Variants in NCOR1 observed in about 807,000 individuals in gnomAD.
NCOR1 encodes the protein nuclear receptor corepressor 1.
A neutral mutation model predicts 288.1 loss-of-function variants in NCOR1; 63 were observed. The ratio of observed to expected loss-of-function variants is 0.22; its 90% CI spans 0.18 to 0.27. The LOEUF (loss-of-function observed/expected upper bound fraction) is 0.27, where lower values mean the gene tolerates loss of function less well. Among genes scored for constraint, NCOR1 ranks in the 10% least tolerant of loss-of-function variants. The pLI is 1.00. For synonymous variants in NCOR1, 1,007 were observed against 1,065.9 expected (o/e 0.94, Z 1.08); for missense variants, 2,397 against 3,019.2 (o/e 0.79, Z 4.83).
rs200158089 is a variant in NCOR1, at chr17:16,058,527, G to A, written c.5954C>T (p.Pro1985Leu). ...VISPASSPAP[P>L]QEKLQTYQPE... ...CTGATAGGTCTGCAGTTTCTCCTGG[G>A]GTGGCGCAGGTGAGCTGGCAGGACT... is the stretch of plus-strand genomic sequence containing the variant. The change falls in exon 38 of 46, where the codon CCC (proline) becomes CTC (leucine). Residue 1985 changes from proline (P) to leucine (L), a missense_variant. Coordinates refer to ENST00000268712, the MANE Select transcript of NCOR1 (RefSeq NM_006311.4). 75 of 1,614,058 alleles carry A rather than the reference G, an allele frequency of 4.6e-5. No homozygotes were observed. Among genetic ancestry groups the A allele is most frequent in the Admixed American group, 2.0e-4 (12 of 60,022 alleles).
intron 21 of NCOR1, 136 bp downstream of exon 21, chr17:16,098,231 G>GT (rs1277179585): frequency 1.2e-6 from 1 of 844,174 alleles, no homozygotes; most frequent in African/African-American, 1.7e-5. Flanking sequence ...CTTAGAATTG[G>GT]TTACGATTAT....
chr17:16,094,844 G>A (rs1234218416), intron 21 of NCOR1, among the ~76,000 whole-genome samples: 2 of 152,096 alleles, frequency 1.3e-5, no homozygotes, highest in East Asian at 3.8e-4. Flanking sequence ...CGGGATTGCA[G>A]ATGGAGTCTC....
chr17:16,124,309 G>A (rs1052205198), intron 15 of NCOR1, among the ~76,000 whole-genome samples: 9 of 151,840 alleles, frequency 5.9e-5, no homozygotes, highest in African/African-American at 2.2e-4. Flanking sequence ...CTAAGTAAAA[G>A]AAGCCATACA....
In NCOR1 at chr17:16,130,583, A is replaced by G. The variant is rs2075437322; in HGVS notation, c.1510-4377T>C. Among the ~76,000 whole-genome samples the G allele has an allele frequency of 3.9e-5, 6 of 152,394 alleles. No homozygotes were observed. In the South Asian group the frequency reaches 1.2e-3, roughly 32 times the overall value. On this transcript the variant is annotated intron_variant, in intron 14 of 45. Coordinates refer to ENST00000268712, the MANE Select transcript of NCOR1 (RefSeq NM_006311.4). ...ATATAACATGAAACATTTCTGTCAA[A>G]TAACAAGCTATTCACTATGAATGAA...
intron 40 of NCOR1, among the ~76,000 whole-genome samples, chr17:16,049,624 C>T (rs2059076723): frequency 6.6e-6 from 1 of 151,822 alleles, no homozygotes; most frequent in South Asian, 2.1e-4. Context: ...CTTTGTCACC[C>T]AGCCTGGAGT....
intron 11 of NCOR1, among the ~76,000 whole-genome samples, chr17:16,139,885 G>A (rs1031362763): frequency 3.3e-5 from 5 of 152,072 alleles, no homozygotes; most frequent in Admixed American, 3.3e-4. Context: ...ATAAGAAAAG[G>A]TATTTCCCTA....
At chr17:16,198,144 T>G (rs1185575272) in intron 1 of NCOR1, 1 of 147,140 alleles carries the variant, frequency 6.8e-6, no homozygotes, top group African/African-American at 2.5e-5. Flanking sequence ...GATCACGAGG[T>G]CAGGAGATCG....
chr17:16,085,012 A>G (rs1468838987), intron 23 of NCOR1, among the ~76,000 whole-genome samples: 1 of 152,218 alleles, frequency 6.6e-6, no homozygotes, highest in African/African-American at 2.4e-5. Context: ...AAATAAACAG[A>G]CAAAAAACAG....
intron 10 of NCOR1, among the ~76,000 whole-genome samples, chr17:16,145,771 T>C (rs1484699646): frequency 2.0e-5 from 3 of 151,488 alleles, no homozygotes; most frequent in African/African-American, 7.3e-5. Context: ...CGCCTCCACC[T>C]GGCCGCTGCC....
At chr17:16,114,143 C>CAAAAAAAAAA (rs71353770) in intron 18 of NCOR1, among the ~76,000 whole-genome samples, 10 of 17,728 alleles carry the variant, frequency 5.6e-4, no homozygotes, top group African/African-American at 1.7e-3. Context: ...TGGCGGCAGG[C>CAAAAAAAAAA]AAAAAAAAAA....
chr17:16,188,756 G>A (rs1290814704), intron 2 of NCOR1, among the ~76,000 whole-genome samples: 1 of 152,018 alleles, frequency 6.6e-6, no homozygotes, highest in Non-Finnish European at 1.5e-5. Context: ...CAGGTGCTAT[G>A]GCTCACACTT....
Position 16,092,028 on chromosome 17 carries a change from C to T in NCOR1, c.2851G>A (p.Gly951Arg). The change falls in exon 22 of 46, where the codon GGA becomes AGA. Residue 951 changes from glycine (G) to arginine (R), a missense_variant. Physicochemically the swap from Gly to Arg is moderately radical, Grantham distance 125. Coordinates refer to ENST00000268712, the MANE Select transcript of NCOR1 (RefSeq NM_006311.4). ...VSCTPCNIPIGTPVSGYALYQ... is the reference protein window; with the variant it reads ...VSCTPCNIPIRTPVSGYALYQ... Reference sequence around the variant, plus strand: ...AGAGCATAGCCGCTCACTGGGGTTCCAATTGGTATGTTACATGGGGTGCAG... The same window carrying T: ...AGAGCATAGCCGCTCACTGGGGTTCTAATTGGTATGTTACATGGGGTGCAG... 6.2e-7 allele frequency: 1 copy of T among 1,614,032 alleles called. No homozygotes were observed. The highest frequency in any genetic ancestry group is 8.5e-7 in the Non-Finnish European group (1 of 1,180,010).
At chr17:16,194,374 G>T in intron 2 of NCOR1, 88 bp downstream of exon 2, 2 of 716,128 alleles carry the variant, frequency 2.8e-6, no homozygotes, top group Non-Finnish European at 4.3e-6. Flanking sequence ...GATAAATTTG[G>T]TGGTTTCTGT....
intron 27 of NCOR1, 111 bp downstream of exon 27, chr17:16,075,423 G>A: frequency 8.4e-7 from 1 of 1,192,728 alleles, no homozygotes; most frequent in Non-Finnish European, 1.2e-6. Context: ...AGAAAACATA[G>A]GCTCAGCAAA....
At chr17:16,106,821 A>G (rs1322576149) in intron 19 of NCOR1, among the ~76,000 whole-genome samples, 1 of 139,366 alleles carries the variant, frequency 7.2e-6, no homozygotes, top group African/African-American at 2.7e-5. Context: ...ATGATTGAGC[A>G]GATGTGATGG....
At chr17:16,056,921 A>AT (rs1567742439) in intron 40 of NCOR1, 3 of 151,462 alleles carry the variant, frequency 2.0e-5, no homozygotes, top group Non-Finnish European at 4.4e-5. Flanking sequence ...TATATATATA[A>AT]AATTATTCAC....
At chr17:16,095,018 G>C in intron 21 of NCOR1, among the ~76,000 whole-genome samples, 1 of 151,644 alleles carries the variant, frequency 6.6e-6, no homozygotes, top group African/African-American at 2.4e-5. Flanking sequence ...GTCTCTGCCT[G>C]GCCGCCCACC....
intron 40 of NCOR1, chr17:16,049,462 A>G (rs550105838): frequency 1.3e-5 from 2 of 152,540 alleles, no homozygotes; most frequent in African/African-American, 4.8e-5. Context: ...GTGAGTCAAC[A>G]TAGGTTCTAG....
At chr17:16,179,324 G>A (rs2084902532) in intron 3 of NCOR1, among the ~76,000 whole-genome samples, 1 of 151,996 alleles carries the variant, frequency 6.6e-6, no homozygotes, top group Non-Finnish European at 1.5e-5. Flanking sequence ...AGGATCATAA[G>A]GAACTATATG....
Sources: allele counts gnomAD v4.1 joint callset (sites outside exome capture counted in the v4.1 genomes callset), GRCh38; gene constraint gnomAD v4.1.1; transcripts MANE v1.5; gene names NCBI Gene and HGNC (gene_info 2026-07-23, HGNC 2026-07-21).